The following SCLY variants were observed in gnomAD, a reference collection of about 807,000 sequenced individuals.
SCLY encodes putative selenocysteine lyase.
SCLY carries 38 observed loss-of-function variants against 50.1 expected under a neutral mutation model. The observed-to-expected ratio is 0.76, with a 90% CI of 0.59 to 0.99. SCLY has a LOEUF of 0.99. Ranked by LOEUF, SCLY falls within the 50% of genes least tolerant of loss-of-function variation. SCLY has a pLI of 0.00. For missense variants in SCLY, 600 were observed against 620.0 expected (o/e 0.97, Z 0.34); for synonymous variants, 243 against 249.4 (o/e 0.97, Z 0.24).
intron 4 of SCLY, chr2:238,079,095 G>C (rs1462868863): frequency 3.6e-5 from 1 of 28,048 alleles, no homozygotes; most frequent in Non-Finnish European, 7.9e-5. Flanking sequence ...TTTTTTTTTT[G>C]ACAAGATTCC....
At chr2:238,088,466 A>G (rs1018076294) in intron 7 of SCLY, among the ~76,000 whole-genome samples, 4 of 152,082 alleles carry the variant, frequency 2.6e-5, no homozygotes, top group Admixed American at 6.5e-5. Flanking sequence ...ATCTCAAAAA[A>G]AGAAAAGAAA....
intron 7 of SCLY, among the ~76,000 whole-genome samples, chr2:238,088,099 A>C (rs987724798): frequency 1.3e-4 from 20 of 152,212 alleles, no homozygotes; most frequent in Non-Finnish European, 2.8e-4. Flanking sequence ...TGTCTCAAAA[A>C]AATAAAGAAT....
At chr2:238,091,547 C>CG in intron 8 of SCLY, 88 of 412,024 alleles carry the variant, frequency 2.1e-4, no homozygotes, top group South Asian at 5.3e-4. Flanking sequence ...GCTGCAGGTT[C>CG]ACCATTCCCA....
chr2:238,088,692 T>G (rs374391666), intron 7 of SCLY, among the ~76,000 whole-genome samples: 1 of 152,394 alleles, frequency 6.6e-6, no homozygotes, highest in South Asian at 2.1e-4. Flanking sequence ...TCATATTTGA[T>G]GCAGCAGAAG....
In SCLY at chr2:238,098,688, A is replaced by G; in HGVS notation, c.*333A>G. The G allele has an allele frequency of 1.5e-5, 2 of 133,898 alleles. No homozygotes were observed. Among genetic ancestry groups the G allele is most frequent in the Non-Finnish European group, 2.5e-5 (2 of 81,512 alleles). The allele number at this position is 133,898 out of a possible 1,614,324, so 8.3% of individuals were successfully genotyped here. A position where few individuals can be genotyped will look rare whatever the true frequency, so the allele number is the denominator to read the frequency against. On this transcript the variant is annotated 3_prime_UTR_variant, in exon 12 of 12. Transcript: ENST00000254663. ...AACCGTCCTCCAGTGGTGAAGCGGA[A>G]ACACTTAGCTTTATCCACCCTCCCC...
intron 4 of SCLY, among the ~76,000 whole-genome samples, chr2:238,074,645 G>A (rs1190882618): frequency 6.6e-6 from 1 of 152,008 alleles, no homozygotes; most frequent in Admixed American, 6.6e-5. Context: ...CACCATGCCC[G>A]GCTAATTTTG....
chr2:238,098,692 CTT>C lies in SCLY; in HGVS notation c.*338_*339del. On this transcript the variant is annotated 3_prime_UTR_variant, in exon 12 of 12. Transcript: ENST00000254663. The stretch of plus-strand genomic sequence containing the variant: ...GTCCTCCAGTGGTGAAGCGGAAACA[CTT>C]AGCTTTATCCACCCTCCCCACTGGG... 6.6e-6 allele frequency: 1 copy of C among 151,332 alleles called. No homozygotes were observed. The highest frequency in any genetic ancestry group is 1.1e-5 in the Non-Finnish European group (1 of 89,926). The allele number at this position is 151,332 out of a possible 1,614,324, so 9.4% of individuals were successfully genotyped here.
Position 238,061,023 on chromosome 2 carries a change from G to T in SCLY, c.-32G>T. 4 of 1,355,764 alleles carry T rather than the reference G, an allele frequency of 3.0e-6. No homozygotes were observed. The highest frequency in any genetic ancestry group is 3.1e-5 in the East Asian group (1 of 32,280). 84.0% of individuals were successfully genotyped at this position (1,355,764 alleles called of 1,614,324 possible). ...TGGGCCCGTAGCGCTCCGCGGGAAG[G>T]AGGCTGGATGCCCGGCAGCAGTGGG... On this transcript the variant is annotated 5_prime_UTR_variant, in exon 1 of 12. Transcript: ENST00000254663.
chr2:238,078,132 T>A (rs1211778684), intron 4 of SCLY, among the ~76,000 whole-genome samples: 1 of 152,122 alleles, frequency 6.6e-6, no homozygotes, highest in Non-Finnish European at 1.5e-5. Flanking sequence ...TTTTGTATTT[T>A]TAGTAGAGAC....
At position 238,066,293 on chromosome 2, in the gene SCLY, C is replaced by T. The variant is rs2065070973; in HGVS notation, c.203-1772C>T. ...GTGACGGAAGCCTCTGGAAGGTTCACCATATACCTGTGAGAAAAGGAGCGT... is the reference window on the plus strand; with the variant it reads ...GTGACGGAAGCCTCTGGAAGGTTCATCATATACCTGTGAGAAAAGGAGCGT... On this transcript the variant is annotated intron_variant, in intron 2 of 11. Transcript: ENST00000254663. The surrounding 1 kb of genome is among the most constrained non-coding windows in gnomAD (Gnocchi z 4.1). Among the ~76,000 whole-genome samples, 1 of 152,192 alleles carries T rather than the reference C, an allele frequency of 6.6e-6. No individual in the cohort carries two copies. Among genetic ancestry groups the T allele is most frequent in the Non-Finnish European group, 1.5e-5 (1 of 68,040 alleles).
In SCLY at chr2:238,099,297, A is replaced by G. The variant is rs1291821288; in HGVS notation, c.*942A>G. On this transcript the variant is annotated 3_prime_UTR_variant, in exon 12 of 12. Coordinates refer to ENST00000254663, the MANE Select transcript of SCLY (RefSeq NM_016510.7). ...ACATGTCGATATTTGCATAGGAGTC[A>G]TTTTCAGTGGAATAACATTTTTAAT... The G allele has an allele frequency of 1.3e-5, 6 of 471,668 alleles. No homozygotes were observed. The highest frequency in any genetic ancestry group is 2.2e-5 in the Non-Finnish European group (5 of 227,188). 29.2% of individuals were successfully genotyped at this position (471,668 alleles called of 1,614,324 possible). A position where few individuals can be genotyped will look rare whatever the true frequency, so the allele number is the denominator to read the frequency against.
intron 4 of SCLY, among the ~76,000 whole-genome samples, chr2:238,076,046 C>CTTT (rs34627467): frequency 4.5e-5 from 6 of 132,728 alleles, no homozygotes; most frequent in African/African-American, 1.1e-4. Context: ...TGATTTGTTC[C>CTTT]TTTTTTTTTT....
intron 7 of SCLY, among the ~76,000 whole-genome samples, chr2:238,086,096 G>A (rs1576673591): frequency 6.6e-6 from 1 of 152,144 alleles, no homozygotes; most frequent in Non-Finnish European, 1.5e-5. Context: ...AGAAGAAAGG[G>A]ACACAATTAT....
chr2:238,092,054 C>T (rs2065368012), intron 8 of SCLY: 1 of 152,286 alleles, frequency 6.6e-6, no homozygotes, highest in African/African-American at 2.4e-5. Flanking sequence ...ATATTATTAA[C>T]AGTGATAACT....
chr2:238,079,948 T>C (rs1261365961), intron 4 of SCLY: 1 of 152,270 alleles, frequency 6.6e-6, no homozygotes, highest in East Asian at 1.9e-4. Flanking sequence ...CCCACATTTC[T>C]CTGAGGCTCT....
intron 8 of SCLY, chr2:238,093,429 ATGTC>A (rs2065390063): frequency 1.8e-5 from 4 of 223,016 alleles, no homozygotes; most frequent in East Asian, 1.1e-4. Context: ...TAGAGACAGA[ATGTC>A]TGTCTGTCCC....
intron 10 of SCLY, chr2:238,094,733 G>A (rs997822584): frequency 1.5e-5 from 8 of 541,584 alleles, no homozygotes; most frequent in African/African-American, 3.8e-5. Context: ...TCTCCCTGAC[G>A]TGGCTCATTT....
At position 238,098,626 on chromosome 2, in the gene SCLY, C is replaced by CCCACATAGAACCGTCCACATGGGACCGT. The variant is rs1553568628; in HGVS notation, c.*277_*278insAGAACCGTCCACATGGGACCGTCCACAT. 1 of 323,638 alleles carries CCCACATAGAACCGTCCACATGGGACCGT rather than the reference C, an allele frequency of 3.1e-6. No homozygotes were observed. Among genetic ancestry groups the CCCACATAGAACCGTCCACATGGGACCGT allele is most frequent in the African/African-American group, 2.9e-5 (1 of 34,314 alleles). The allele number at this position is 323,638 out of a possible 1,614,324, so 20.0% of individuals were successfully genotyped here. A position where few individuals can be genotyped will look rare whatever the true frequency, so the allele number is the denominator to read the frequency against. ...ACATAGGACCGCCCACATGGGACCG[C>CCCACATAGAACCGTCCACATGGGACCGT]CCACATGGGACCGCCCACATGGGAC... On this transcript the variant is annotated 3_prime_UTR_variant, in exon 12 of 12. Coordinates refer to ENST00000254663, the MANE Select transcript of SCLY (RefSeq NM_016510.7).
chr2:238,091,535 AAG>A, intron 8 of SCLY: 115 of 394,508 alleles, frequency 2.9e-4, no homozygotes, highest in Middle Eastern at 1.5e-3. Flanking sequence ...GTGAAGTGTC[AAG>A]CTGCAGGTTC....
Sources: allele counts gnomAD v4.1 joint callset (sites outside exome capture counted in the v4.1 genomes callset), GRCh38; gene constraint gnomAD v4.1.1; non-coding constraint Gnocchi (gnomAD v3.1); transcripts MANE v1.5; gene names NCBI Gene and HGNC (gene_info 2026-07-23, HGNC 2026-07-21).